The following NPLOC4 variants were observed in gnomAD, a reference collection of about 807,000 sequenced individuals.
NPLOC4 encodes NPL4 homolog, ubiquitin recognition factor, also known as nuclear protein localization protein 4 homolog.
Under a neutral mutation model 80.6 loss-of-function variants are expected in NPLOC4, and 18 were observed. The ratio of observed to expected loss-of-function variants is 0.22; its 90% CI spans 0.15 to 0.33. The LOEUF (loss-of-function observed/expected upper bound fraction) is 0.33, where lower values mean the gene tolerates loss of function less well. NPLOC4 is among the 10% of genes least tolerant of loss of function. The pLI is 1.00. For missense variants in NPLOC4, 540 were observed against 786.1 expected, an observed-to-expected ratio of 0.69 and a Z score of 3.74; for synonymous variants, 313 against 301.5, an observed-to-expected ratio of 1.04 and a Z score of -0.39.
At chr17:81,633,140 AAAAAG>A (rs2035976487) in intron 1 of NPLOC4, among the ~76,000 whole-genome samples, 1 of 151,000 alleles carries the variant, frequency 6.6e-6, no homozygotes, top group Non-Finnish European at 1.5e-5. Flanking sequence ...AAAAAAAAAA[AAAAAG>A]AAAAGAAATA....
intron 7 of NPLOC4, among the ~76,000 whole-genome samples, chr17:81,605,210 G>A (rs1022582118): frequency 7.3e-5 from 11 of 151,592 alleles, no homozygotes; most frequent in African/African-American, 2.7e-4. Context: ...GAACCCGGGA[G>A]GTGGAGCTCG....
At chr17:81,599,215 G>C (rs948605557) in intron 9 of NPLOC4, among the ~76,000 whole-genome samples, 2 of 152,036 alleles carry the variant, frequency 1.3e-5, no homozygotes, top group Admixed American at 6.6e-5. Flanking sequence ...CTTGAACCCG[G>C]GAGGCAGAGG....
chr17:81,581,718 C>G (rs1195571418), intron 12 of NPLOC4, among the ~76,000 whole-genome samples: 2 of 152,206 alleles, frequency 1.3e-5, no homozygotes, highest in African/African-American at 4.8e-5. Context: ...GCTACAAAGC[C>G]AAGTCAGATT....
chr17:81,588,926 T>C lies in NPLOC4; in HGVS notation c.1281+18A>G, dbSNP rs754446902. ...CCATTCTCCATGTACAGAGTTCTTT[T>C]TCTTACCATACTTTTACCTTATAAA... On this transcript the variant is annotated intron_variant, in intron 12 of 16. Transcript: ENST00000331134. The C allele has an allele frequency of 1.9e-6, 3 of 1,607,412 alleles. No homozygotes were observed. Among genetic ancestry groups the C allele is most frequent in the East Asian group, 4.5e-5 (2 of 44,820 alleles).
intron 6 of NPLOC4, among the ~76,000 whole-genome samples, chr17:81,608,137 TAGTGGCTGCAGCCCCTGC>T (rs1171806272): frequency 2.0e-5 from 3 of 152,220 alleles, no homozygotes; most frequent in Non-Finnish European, 1.5e-5. Flanking sequence ...CCATGAGGAT[TAGTGGCTGCAGCCCCTGC>T]TGTGGCTGAA....
chr17:81,612,500 G>A (rs2035367136), intron 4 of NPLOC4, among the ~76,000 whole-genome samples: 1 of 152,144 alleles, frequency 6.6e-6, no homozygotes, highest in Non-Finnish European at 1.5e-5. Context: ...CCATGCCAAT[G>A]GCAGGAGAGC....
At chr17:81,573,154 C>T (rs1236873784) in intron 12 of NPLOC4, among the ~76,000 whole-genome samples, 1 of 152,190 alleles carries the variant, frequency 6.6e-6, no homozygotes, top group East Asian at 1.9e-4. Flanking sequence ...CATTTTCTAT[C>T]TAAATCATCA....
intron 3 of NPLOC4, among the ~76,000 whole-genome samples, chr17:81,619,844 A>G (rs1175659854): frequency 1.3e-5 from 2 of 150,550 alleles, no homozygotes; most frequent in Non-Finnish European, 3.0e-5. Context: ...GCGCCACTGC[A>G]CTCCAGCCTG....
At chr17:81,612,270 G>GT (rs1450328386) in intron 4 of NPLOC4, among the ~76,000 whole-genome samples, 12 of 152,112 alleles carry the variant, frequency 7.9e-5, no homozygotes, top group Admixed American at 7.9e-4. Context: ...TCTTACATGC[G>GT]TATGAGCCCT....
intron 3 of NPLOC4, among the ~76,000 whole-genome samples, chr17:81,620,152 C>T (rs2035626182): frequency 6.6e-6 from 1 of 152,186 alleles, no homozygotes; most frequent in Non-Finnish European, 1.5e-5. Context: ...ATACAAATTT[C>T]CTTAAAAAGC....
At chr17:81,624,173 C>T (rs1238163360) in intron 2 of NPLOC4, among the ~76,000 whole-genome samples, 1 of 152,130 alleles carries the variant, frequency 6.6e-6, no homozygotes, top group Non-Finnish European at 1.5e-5. Flanking sequence ...GTAATCCCAG[C>T]ACTCTGGGAG....
At chr17:81,595,796 G>C (rs919989600) in intron 11 of NPLOC4, among the ~76,000 whole-genome samples, 64 of 152,084 alleles carry the variant, frequency 4.2e-4, no homozygotes, top group African/African-American at 1.5e-3. Flanking sequence ...CACTCACCTG[G>C]GCCTCCCAAA....
chr17:81,596,332 G>C, intron 10 of NPLOC4, 90 bp from the exon 11 acceptor site: 4 of 1,426,758 alleles, frequency 2.8e-6, no homozygotes, highest in Non-Finnish European at 3.8e-6. Context: ...ACTAAGCCAG[G>C]AGCAGTGACT....
At position 81,636,977 on chromosome 17, in the gene NPLOC4, T is replaced by C; in HGVS notation, c.-47A>G. On this transcript the variant is annotated 5_prime_UTR_variant, in exon 1 of 17. Coordinates refer to ENST00000331134, the MANE Select transcript of NPLOC4 (RefSeq NM_017921.4). ...GCTCGAGCCCCGGGCCGCCGCCGCC[T>C]GCCGCCCCAAGGGCCTCGCAGACCC... is the stretch of plus-strand genomic sequence containing the variant. The C allele has an allele frequency of 3.3e-6, 4 of 1,227,074 alleles. No homozygotes were observed. Among genetic ancestry groups the C allele is most frequent in the Non-Finnish European group, 4.1e-6 (4 of 975,954 alleles). The allele number at this position is 1,227,074 out of a possible 1,614,324, so 76.0% of individuals were successfully genotyped here.
chr17:81,632,752 A>T (rs918772038), intron 1 of NPLOC4, among the ~76,000 whole-genome samples: 1 of 152,234 alleles, frequency 6.6e-6, no homozygotes, highest in Non-Finnish European at 1.5e-5. Context: ...CCACTGATAC[A>T]GGACAAAACA....
intron 3 of NPLOC4, among the ~76,000 whole-genome samples, chr17:81,616,945 G>A (rs1317001428): frequency 6.6e-6 from 1 of 152,202 alleles, no homozygotes; most frequent in East Asian, 1.9e-4. Flanking sequence ...CATGGAAGTG[G>A]CAGGCACCAA....
At chr17:81,629,027 C>T (rs1400841152) in intron 2 of NPLOC4, among the ~76,000 whole-genome samples, 4 of 151,580 alleles carry the variant, frequency 2.6e-5, no homozygotes, top group Non-Finnish European at 5.9e-5. Context: ...TACAGGTGCC[C>T]GCCACCACAC....
At chr17:81,610,290 G>A (rs1250120219) in intron 4 of NPLOC4, 32 bp from the exon 5 acceptor site, 1 of 1,558,012 alleles carries the variant, frequency 6.4e-7, no homozygotes. Context: ...AAAAGGCAGA[G>A]CAGTGAGGAT....
intron 15 of NPLOC4, among the ~76,000 whole-genome samples, chr17:81,566,025 T>C (rs1257910598): frequency 6.6e-6 from 1 of 152,126 alleles, no homozygotes; most frequent in East Asian, 1.9e-4. Flanking sequence ...GCCTTCCGAG[T>C]CAAACTGCAG....
Sources: gnomAD v4.1 joint callset for allele counts (sites outside exome capture counted in the v4.1 genomes callset) on GRCh38, gnomAD v4.1.1 for gene constraint, MANE v1.5 for transcripts, NCBI Gene and HGNC (gene_info 2026-07-23, HGNC 2026-07-21) for gene names.